Variants in DTWD2 observed in about 807,000 individuals in gnomAD.
DTWD2 encodes the protein DTW motif tRNA-uridine aminocarboxypropyltransferase 2, also known as tRNA-uridine aminocarboxypropyltransferase 2.
Under a neutral mutation model 31.8 loss-of-function variants are expected in DTWD2, and 39 were observed. That is an observed-to-expected ratio of 1.22 (90% CI 0.95 to 1.60). The LOEUF (loss-of-function observed/expected upper bound fraction) is 1.60. Among genes scored for constraint, DTWD2 ranks in the 40% most tolerant of loss-of-function variants. The pLI, the probability that DTWD2 is intolerant of heterozygous loss-of-function variation, is 0.00. For synonymous variants in DTWD2, 180 were observed against 142.8 expected (o/e 1.26, Z -1.86); for missense variants, 515 against 381.5 (o/e 1.35, Z -2.92).
chr5:118,840,878 G>C lies in DTWD2; in HGVS notation c.*39C>G. 6.3e-7 allele frequency: 1 copy of C among 1,593,774 alleles called. No homozygotes were observed. The highest frequency in any genetic ancestry group is 8.5e-7 in the Non-Finnish European group (1 of 1,170,162). On this transcript the variant is annotated 3_prime_UTR_variant, in exon 6 of 6. Transcript: ENST00000510708. ...ATGAAAACTTAATTTGGTATTGTTA[G>C]ATGAAGACAGTTAAGCTAGCACCAA...
At chr5:118,948,770 A>C (rs1754395709) in intron 1 of DTWD2, among the ~76,000 whole-genome samples, 1 of 152,136 alleles carries the variant, frequency 6.6e-6, no homozygotes, top group South Asian at 2.1e-4. Context: ...GCTAGTGTGG[A>C]AGCAGCTTCT....
intron 4 of DTWD2, among the ~76,000 whole-genome samples, chr5:118,889,736 G>A (rs1430093189): frequency 2.0e-5 from 3 of 152,086 alleles, no homozygotes; most frequent in South Asian, 2.1e-4. Context: ...CTCAAAAAAC[G>A]ATAGTTTTTT....
chr5:118,973,838 A>C, intron 1 of DTWD2: 2 of 1,612,362 alleles, frequency 1.2e-6, no homozygotes, highest in South Asian at 1.1e-5. Flanking sequence ...AATCACCACC[A>C]AGGACTTACA....
intron 4 of DTWD2, among the ~76,000 whole-genome samples, chr5:118,922,014 G>A (rs1753716264): frequency 6.6e-6 from 1 of 152,174 alleles, no homozygotes; most frequent in South Asian, 2.1e-4. Context: ...CATTTTAACA[G>A]CAGTAGAGAA....
intron 3 of DTWD2, among the ~76,000 whole-genome samples, chr5:118,929,290 A>C (rs939267095): frequency 1.3e-5 from 2 of 152,218 alleles, no homozygotes; most frequent in Non-Finnish European, 2.9e-5. Flanking sequence ...AACCTATCTT[A>C]ATAGGCAGAC....
At chr5:118,881,589 G>A (rs942418464) in intron 4 of DTWD2, among the ~76,000 whole-genome samples, 1 of 152,078 alleles carries the variant, frequency 6.6e-6, no homozygotes, top group East Asian at 1.9e-4. Context: ...CCTGAGACTA[G>A]GTAACTTATA....
intron 4 of DTWD2, among the ~76,000 whole-genome samples, chr5:118,893,915 T>C (rs949553295): frequency 6.6e-6 from 1 of 152,048 alleles, no homozygotes; most frequent in Non-Finnish European, 1.5e-5. Context: ...ACAGTTTCTA[T>C]CTCAGATCCT....
rs534254676 is a variant in DTWD2, at chr5:118,947,070, A to G, written c.219-2421T>C. ...GCATCATGACAGGAGTGCCTGCCTC[A>G]CTTACTCAGCCCACAGCTCTCAACG... On this transcript the variant is annotated intron_variant, in intron 1 of 5. Coordinates refer to ENST00000510708, the MANE Select transcript of DTWD2 (RefSeq NM_173666.4). 1.3e-4 allele frequency among the ~76,000 whole-genome samples: 20 copies of G among 152,198 alleles called. No individual in the cohort carries two copies. In the South Asian group the frequency reaches 2.9e-3, roughly 22 times the overall value.
At chr5:118,952,116 G>A (rs957686282) in intron 1 of DTWD2, among the ~76,000 whole-genome samples, 3 of 152,166 alleles carry the variant, frequency 2.0e-5, no homozygotes, top group Admixed American at 6.5e-5. Flanking sequence ...AAAAGACGCC[G>A]CTTACCCAAT....
At chr5:118,968,573 G>C (rs953792147) in intron 1 of DTWD2, among the ~76,000 whole-genome samples, 2 of 152,132 alleles carry the variant, frequency 1.3e-5, no homozygotes, top group African/African-American at 4.8e-5. Context: ...GTGAGTGTGC[G>C]ACCCCACCCA....
chr5:118,902,844 G>C (rs184262695), intron 4 of DTWD2, among the ~76,000 whole-genome samples: 1 of 151,934 alleles, frequency 6.6e-6, no homozygotes, highest in Non-Finnish European at 1.5e-5. Flanking sequence ...GATATCAAAG[G>C]ACCAGATGCT....
At chr5:118,849,554 C>A (rs1318505637) in intron 4 of DTWD2, among the ~76,000 whole-genome samples, 1 of 152,158 alleles carries the variant, frequency 6.6e-6, no homozygotes, top group African/African-American at 2.4e-5. Context: ...ATAAATCATT[C>A]TACTATAAAG....
chr5:118,931,120 C>T (rs72784037), intron 3 of DTWD2, among the ~76,000 whole-genome samples: 10,348 of 151,956 alleles, frequency 0.068, 380 homozygotes, highest in South Asian at 0.084. Flanking sequence ...CCAGGCCAGG[C>T]AGTGGCTCAC....
intron 4 of DTWD2, among the ~76,000 whole-genome samples, chr5:118,876,973 G>T (rs1405547161): frequency 2.6e-5 from 4 of 152,126 alleles, no homozygotes; most frequent in African/African-American, 9.7e-5. Flanking sequence ...ATGCAAAAAT[G>T]CCTAACACAA....
At chr5:118,846,966 A>G (rs1270442498) in intron 5 of DTWD2, among the ~76,000 whole-genome samples, 1 of 134,348 alleles carries the variant, frequency 7.4e-6, no homozygotes, top group Non-Finnish European at 1.6e-5. Context: ...ACACACACAC[A>G]TACACACGAA....
chr5:118,851,206 G>A (rs1335488292), intron 4 of DTWD2, among the ~76,000 whole-genome samples: 2 of 130,092 alleles, frequency 1.5e-5, no homozygotes, highest in Non-Finnish European at 3.2e-5. Context: ...GCAAAAGAGT[G>A]AGACCCTATC....
intron 1 of DTWD2, among the ~76,000 whole-genome samples, chr5:118,945,950 A>T (rs1410868667): frequency 6.6e-6 from 1 of 152,166 alleles, no homozygotes; most frequent in East Asian, 1.9e-4. Context: ...ATACAAGCTG[A>T]TCACTGTTAA....
chr5:118,973,155 C>T (rs1311076901), intron 1 of DTWD2, among the ~76,000 whole-genome samples: 1 of 150,098 alleles, frequency 6.7e-6, no homozygotes, highest in African/African-American at 2.5e-5. Context: ...TGTCTTTGCA[C>T]GTGAGATGGG....
At chr5:118,970,381 T>G (rs981459847) in intron 1 of DTWD2, among the ~76,000 whole-genome samples, 1 of 151,972 alleles carries the variant, frequency 6.6e-6, no homozygotes, top group Non-Finnish European at 1.5e-5. Context: ...GAACCAAGAT[T>G]GCACCACGGC....
Sources: gnomAD v4.1 joint callset for allele counts (sites outside exome capture counted in the v4.1 genomes callset) on GRCh38, gnomAD v4.1.1 for gene constraint, MANE v1.5 for transcripts, NCBI Gene and HGNC (gene_info 2026-07-23, HGNC 2026-07-21) for gene names.